Variants in NELL1 observed in about 807,000 individuals in gnomAD.
The protein encoded by NELL1 is neural EGFL like 1.
NELL1 carries 76 observed loss-of-function variants against 107.4 expected under a neutral mutation model. That is an observed-to-expected ratio of 0.71 (90% CI 0.59 to 0.86). NELL1 has a LOEUF of 0.86. Among genes scored for constraint, NELL1 ranks in the 40% least tolerant of loss-of-function variants. NELL1 has a pLI of 0.00. For synonymous variants in NELL1, 353 were observed against 341.2 expected (o/e 1.03, Z -0.38); for missense variants, 1,024 against 1,005.5 (o/e 1.02, Z -0.25).
intron 14 of NELL1, chr11:21,284,864 T>A: frequency 3.3e-6 from 1 of 299,100 alleles, no homozygotes; most frequent in South Asian, 3.3e-5. Context: ...ACAACAAAAG[T>A]GTCCACACTG....
chr11:21,394,522 G>A (rs1328707566), intron 15 of NELL1, among the ~76,000 whole-genome samples: 3 of 151,344 alleles, frequency 2.0e-5, no homozygotes, highest in Non-Finnish European at 3.0e-5. Context: ...CCAGAGGCAT[G>A]TTTTATATGC....
At chr11:21,192,516 T>C (rs923102941) in intron 13 of NELL1, among the ~76,000 whole-genome samples, 1 of 151,888 alleles carries the variant, frequency 6.6e-6, no homozygotes. Context: ...AAGTGAGCAT[T>C]AGGCTATTAC....
intron 15 of NELL1, among the ~76,000 whole-genome samples, chr11:21,450,036 C>T (rs1853539026): frequency 6.6e-6 from 1 of 152,118 alleles, no homozygotes; most frequent in Non-Finnish European, 1.5e-5. Context: ...GTTATCAAAA[C>T]AAATTCCTAG....
intron 15 of NELL1, among the ~76,000 whole-genome samples, chr11:21,483,943 C>T (rs1344999919): frequency 7.7e-6 from 1 of 129,216 alleles, no homozygotes; most frequent in Non-Finnish European, 1.6e-5. Flanking sequence ...CCCAATATTC[C>T]AATAACCAAA....
intron 15 of NELL1, among the ~76,000 whole-genome samples, chr11:21,515,970 C>T (rs1177739117): frequency 6.6e-6 from 1 of 152,192 alleles, no homozygotes; most frequent in African/African-American, 2.4e-5. Flanking sequence ...CACTGCATTT[C>T]TCCTGGAGAC....
intron 14 of NELL1, among the ~76,000 whole-genome samples, chr11:21,295,503 T>A (rs989092043): frequency 1.3e-5 from 2 of 151,906 alleles, no homozygotes; most frequent in African/African-American, 4.8e-5. Flanking sequence ...ACAAAAGAAT[T>A]GCTAAAATAA....
chr11:21,326,837 C>T (rs1384766608), intron 14 of NELL1, among the ~76,000 whole-genome samples: 3 of 151,798 alleles, frequency 2.0e-5, no homozygotes, highest in Admixed American at 2.0e-4. Flanking sequence ...ATATCTCTGT[C>T]TTATGATTGG....
intron 2 of NELL1, among the ~76,000 whole-genome samples, chr11:20,752,399 A>T (rs1273429646): frequency 2.0e-5 from 3 of 152,112 alleles, no homozygotes; most frequent in African/African-American, 7.2e-5. Flanking sequence ...AAAATACAAA[A>T]TTAGCTGGGC....
intron 4 of NELL1, among the ~76,000 whole-genome samples, chr11:20,868,978 G>A (rs1489829354): frequency 6.6e-6 from 1 of 152,194 alleles, no homozygotes; most frequent in Admixed American, 6.5e-5. Context: ...GCTGAGTTAA[G>A]TGTTGGTGTA....
intron 14 of NELL1, among the ~76,000 whole-genome samples, chr11:21,323,919 C>G (rs1455775080): frequency 6.6e-6 from 1 of 152,088 alleles, no homozygotes; most frequent in East Asian, 1.9e-4. Flanking sequence ...TTACTGTCCA[C>G]CCCCTAACTC....
chr11:21,232,181 T>TATATA (rs1375976378), intron 14 of NELL1, among the ~76,000 whole-genome samples: 8 of 132,006 alleles, frequency 6.1e-5, no homozygotes, highest in South Asian at 2.5e-4. Flanking sequence ...TATATATAAA[T>TATATA]TAGCTGGGCG....
chr11:21,038,858 A>G (rs1473785943), intron 12 of NELL1, among the ~76,000 whole-genome samples: 2 of 152,116 alleles, frequency 1.3e-5, no homozygotes, highest in Admixed American at 6.5e-5. Flanking sequence ...CATGCTGTTT[A>G]TTTCAGATGA....
chr11:21,099,191 C>T lies in NELL1; in HGVS notation c.1301-14398C>T, dbSNP rs1347866879. ...CAATTTATTGGAAAAAGACACTGAA[C>T]AACACACACACACACACACACACAC... On this transcript the variant is annotated intron_variant, in intron 12 of 19. Transcript: ENST00000357134. Among the ~76,000 whole-genome samples the T allele has an allele frequency of 4.2e-5, 5 of 119,446 alleles. No individual in the cohort carries two copies. The Admixed American group carries it at 4.7e-4, about 11-fold the overall frequency. 78.4% of individuals were successfully genotyped at this position (119,446 alleles called of 152,430 possible). A position where few individuals can be genotyped will look rare whatever the true frequency, so the allele number is the denominator to read the frequency against.
intron 15 of NELL1, among the ~76,000 whole-genome samples, chr11:21,461,601 A>G (rs1853901780): frequency 6.6e-6 from 1 of 152,104 alleles, no homozygotes; most frequent in South Asian, 2.1e-4. Context: ...GTTCTGTACT[A>G]TAGACTTTAA....
intron 3 of NELL1, among the ~76,000 whole-genome samples, chr11:20,829,351 T>C (rs1339066070): frequency 6.6e-6 from 1 of 151,320 alleles, no homozygotes; most frequent in Non-Finnish European, 1.5e-5. Flanking sequence ...TTCAGCCTCC[T>C]GAGTAGCTGA....
intron 11 of NELL1, among the ~76,000 whole-genome samples, chr11:20,948,210 A>G (rs1193671083): frequency 6.6e-6 from 1 of 151,440 alleles, no homozygotes; most frequent in Non-Finnish European, 1.5e-5. Context: ...ACACCCAACT[A>G]ATTTTTATTT....
chr11:21,303,357 A>G (rs1849538960), intron 14 of NELL1, among the ~76,000 whole-genome samples: 2 of 152,028 alleles, frequency 1.3e-5, no homozygotes, highest in Non-Finnish European at 2.9e-5. Context: ...ACAAATTGCT[A>G]ACAGGTATGT....
At chr11:20,984,802 G>A (rs1472852386) in intron 12 of NELL1, among the ~76,000 whole-genome samples, 1 of 151,864 alleles carries the variant, frequency 6.6e-6, no homozygotes, top group Non-Finnish European at 1.5e-5. Flanking sequence ...GGAGTAATTG[G>A]CTTATTTTGA....
intron 14 of NELL1, among the ~76,000 whole-genome samples, chr11:21,350,408 C>T (rs929131758): frequency 6.6e-6 from 1 of 151,866 alleles, no homozygotes. Context: ...TTAACAAATA[C>T]CATTGTCCAT....
Sources: allele counts gnomAD v4.1 joint callset (sites outside exome capture counted in the v4.1 genomes callset), GRCh38; gene constraint gnomAD v4.1.1; transcripts MANE v1.5; gene names NCBI Gene and HGNC (gene_info 2026-07-23, HGNC 2026-07-21).